Variants in RUNDC3B observed in about 807,000 individuals in gnomAD.
RUNDC3B encodes the protein RUN domain containing 3B, also known as RUN domain-containing protein 3B.
RUNDC3B carries 33 observed loss-of-function variants against 58.4 expected under a neutral mutation model. The ratio of observed to expected loss-of-function variants is 0.56; its 90% CI spans 0.43 to 0.75. The LOEUF (loss-of-function observed/expected upper bound fraction) is 0.75, where lower values mean the gene tolerates loss of function less well. RUNDC3B is among the 30% of genes least tolerant of loss of function. The probability of loss-of-function intolerance (pLI) is 0.00; values close to 1 mark genes in which losing one functional copy is unlikely to be tolerated. For missense variants in RUNDC3B, 501 were observed against 535.7 expected (o/e 0.94, Z 0.64); for synonymous variants, 193 against 195.2 (o/e 0.99, Z 0.10).
chr7:87,628,413 G>C lies in RUNDC3B; in HGVS notation c.-411G>C, dbSNP rs1015050173. 1 of 158,836 alleles carries C rather than the reference G, an allele frequency of 6.3e-6. No homozygotes were observed. Among genetic ancestry groups the C allele is most frequent in the African/African-American group, 2.4e-5 (1 of 41,666 alleles). 9.8% of individuals were successfully genotyped at this position (158,836 alleles called of 1,614,324 possible). ...CGGGGGCCTTGCCGCTGCCTCCCGG[G>C]CTGGGGCACGAGTGGCTGCGGAGTG... is the stretch of plus-strand genomic sequence containing the variant. On this transcript the variant is annotated 5_prime_UTR_variant, in exon 1 of 11. Coordinates refer to ENST00000394654, the MANE Select transcript of RUNDC3B (RefSeq NM_001134405.2).
chr7:87,630,750 A>T (rs1310300075), intron 1 of RUNDC3B, among the ~76,000 whole-genome samples: 1 of 151,836 alleles, frequency 6.6e-6, no homozygotes, highest in Non-Finnish European at 1.5e-5. Context: ...TATTTATTGA[A>T]TGAATAATTT....
At chr7:87,800,211 T>C (rs1836062473) in intron 8 of RUNDC3B, among the ~76,000 whole-genome samples, 1 of 152,140 alleles carries the variant, frequency 6.6e-6, no homozygotes, top group South Asian at 2.1e-4. Context: ...GCACAGCATC[T>C]GGGGTGAGGA....
intron 7 of RUNDC3B, among the ~76,000 whole-genome samples, chr7:87,771,931 G>A (rs1272819868): frequency 6.6e-6 from 1 of 152,184 alleles, no homozygotes; most frequent in East Asian, 1.9e-4. Context: ...AGGAGATGGA[G>A]ACAGAAGCCC....
At chr7:87,784,303 C>T (rs188914700) in intron 8 of RUNDC3B, among the ~76,000 whole-genome samples, 1 of 152,178 alleles carries the variant, frequency 6.6e-6, no homozygotes, top group African/African-American at 2.4e-5. Context: ...TTTTGAATTG[C>T]TAGAGTTCTT....
At chr7:87,671,449 G>A (rs939015877) in intron 2 of RUNDC3B, among the ~76,000 whole-genome samples, 1 of 152,134 alleles carries the variant, frequency 6.6e-6, no homozygotes, top group Non-Finnish European at 1.5e-5. Context: ...CTGAGAATGG[G>A]CACCTACTTA....
intron 10 of RUNDC3B, among the ~76,000 whole-genome samples, chr7:87,825,694 A>G (rs989563661): frequency 1.3e-5 from 2 of 152,230 alleles, no homozygotes; most frequent in Non-Finnish European, 2.9e-5. Flanking sequence ...GGCAGCCGGA[A>G]GCGAGGCTGT....
At chr7:87,744,421 A>G (rs554218582) in intron 6 of RUNDC3B, among the ~76,000 whole-genome samples, 3 of 152,214 alleles carry the variant, frequency 2.0e-5, no homozygotes, top group East Asian at 1.9e-4. Context: ...ATTATTCACA[A>G]TATTGATTCT....
At chr7:87,679,087 CTTTT>C (rs35353390) in intron 2 of RUNDC3B, among the ~76,000 whole-genome samples, 6 of 60,762 alleles carry the variant, frequency 9.9e-5, no homozygotes, top group Non-Finnish European at 1.2e-4. Context: ...AACACCCCAA[CTTTT>C]TTTTTTTTTT....
At chr7:87,634,277 G>A (rs1821519025) in intron 1 of RUNDC3B, among the ~76,000 whole-genome samples, 1 of 152,092 alleles carries the variant, frequency 6.6e-6, no homozygotes, top group Non-Finnish European at 1.5e-5. Context: ...CATGTCATTT[G>A]ATGGGGGCAG....
chr7:87,686,367 T>C (rs1045879108), intron 2 of RUNDC3B, among the ~76,000 whole-genome samples: 2 of 152,176 alleles, frequency 1.3e-5, no homozygotes, highest in African/African-American at 2.4e-5. Context: ...ACGAGCATGG[T>C]GTAACACAAA....
At chr7:87,642,410 T>A (rs1444968184) in intron 1 of RUNDC3B, among the ~76,000 whole-genome samples, 2 of 152,098 alleles carry the variant, frequency 1.3e-5, no homozygotes, top group Non-Finnish European at 2.9e-5. Context: ...GTATTCTATT[T>A]GAATATTTTC....
intron 1 of RUNDC3B, among the ~76,000 whole-genome samples, chr7:87,643,834 C>A (rs777497035): frequency 6.6e-6 from 1 of 150,702 alleles, no homozygotes; most frequent in African/African-American, 2.4e-5. Context: ...GCCAAGAATT[C>A]GCAAGTTGCA....
At chr7:87,758,575 A>G (rs1007765368) in intron 6 of RUNDC3B, among the ~76,000 whole-genome samples, 1 of 152,242 alleles carries the variant, frequency 6.6e-6, no homozygotes, top group Admixed American at 6.5e-5. Flanking sequence ...CAAGCTATTC[A>G]TCTGACAAGG....
intron 10 of RUNDC3B, among the ~76,000 whole-genome samples, chr7:87,817,069 T>A (rs1037463486): frequency 6.6e-6 from 1 of 152,170 alleles, no homozygotes; most frequent in Admixed American, 6.5e-5. Context: ...AGAAAGATAA[T>A]CCCCTACCTC....
intron 2 of RUNDC3B, among the ~76,000 whole-genome samples, chr7:87,683,117 C>T (rs763991294): frequency 6.6e-6 from 1 of 152,148 alleles, no homozygotes; most frequent in African/African-American, 2.4e-5. Flanking sequence ...CCAACCTCTG[C>T]TAGCTTCAAA....
rs867583892 is a variant in RUNDC3B, at chr7:87,779,558, G to C, written c.956+1603G>C. On this transcript the variant is annotated intron_variant, in intron 8 of 10. Transcript: ENST00000394654. ...TTTGGTTAAGGTGTTTTTCTCTTCTGTATAGTTACTGCTGTTCCTTCTGTT... is the reference window on the plus strand; with the variant it reads ...TTTGGTTAAGGTGTTTTTCTCTTCTCTATAGTTACTGCTGTTCCTTCTGTT... Among the ~76,000 whole-genome samples the C allele has an allele frequency of 3.9e-5, 6 of 152,162 alleles. No homozygotes were observed. In the South Asian group the frequency reaches 1.0e-3, roughly 26 times the overall value.
intron 2 of RUNDC3B, among the ~76,000 whole-genome samples, chr7:87,693,731 C>T (rs1293300847): frequency 6.6e-6 from 1 of 152,192 alleles, no homozygotes; most frequent in Non-Finnish European, 1.5e-5. Flanking sequence ...CATTTACTTA[C>T]CAAGTGTAGC....
intron 10 of RUNDC3B, among the ~76,000 whole-genome samples, chr7:87,827,951 C>G (rs1837913297): frequency 6.6e-6 from 1 of 152,088 alleles, no homozygotes; most frequent in Admixed American, 6.5e-5. Flanking sequence ...CCAGGAGTTC[C>G]TGACCATTCT....
At position 87,821,282 on chromosome 7, in the gene RUNDC3B, C is replaced by T. The variant is rs537009540; in HGVS notation, c.1225+5020C>T. 2.0e-5 allele frequency among the ~76,000 whole-genome samples: 3 copies of T among 152,248 alleles called. No individual in the cohort carries two copies. In the South Asian group the frequency reaches 6.2e-4, roughly 32 times the overall value. ...GAGAGCGAAATCATGAGTGAACTCC[C>T]ATTCACAATTGCTTCAAAGAGAATA... is the stretch of plus-strand genomic sequence containing the variant. On this transcript the variant is annotated intron_variant, in intron 10 of 10. Coordinates refer to ENST00000394654, the MANE Select transcript of RUNDC3B (RefSeq NM_001134405.2).
Sources: gnomAD v4.1 joint callset for allele counts (sites outside exome capture counted in the v4.1 genomes callset) on GRCh38, gnomAD v4.1.1 for gene constraint, MANE v1.5 for transcripts, NCBI Gene and HGNC (gene_info 2026-07-23, HGNC 2026-07-21) for gene names.